The following TG variants were observed in gnomAD, a reference collection of about 807,000 sequenced individuals.
The protein encoded by TG is thyroglobulin, also known as thyroid hormones.
Under a neutral mutation model 324.7 loss-of-function variants are expected in TG, and 270 were observed. The observed-to-expected ratio is 0.83, with a 90% CI of 0.75 to 0.92. TG has a LOEUF of 0.92. Ranked by LOEUF, TG falls within the 40% of genes least tolerant of loss-of-function variation. The pLI, the probability that TG is intolerant of heterozygous loss-of-function variation, is 0.00. For synonymous variants in TG, 1,401 were observed against 1,327.0 expected, an observed-to-expected ratio of 1.06 and a Z score of -1.21; for missense variants, 3,591 against 3,456.4, an observed-to-expected ratio of 1.04 and a Z score of -0.98.
intron 41 of TG, among the ~76,000 whole-genome samples, chr8:133,062,294 G>C (rs1009606820): frequency 2.0e-5 from 3 of 152,238 alleles, no homozygotes; most frequent in Non-Finnish European, 2.9e-5. Flanking sequence ...AGCTGGGCAG[G>C]TTCTAACAGC....
chr8:132,917,083 T>TTCCA (rs1820442885), intron 20 of TG, among the ~76,000 whole-genome samples: 1 of 70,946 alleles, frequency 1.4e-5, no homozygotes, highest in Non-Finnish European at 3.4e-5. Flanking sequence ...CCTTCCTTCC[T>TTCCA]TCCCTTACTT....
At chr8:132,879,510 C>T (rs1814339939) in intron 5 of TG, among the ~76,000 whole-genome samples, 1 of 152,194 alleles carries the variant, frequency 6.6e-6, no homozygotes, top group Non-Finnish European at 1.5e-5. Context: ...ATACATATCA[C>T]TTGTGATTAT....
intron 35 of TG, among the ~76,000 whole-genome samples, chr8:132,997,782 A>G (rs917566134): frequency 4.6e-5 from 7 of 152,258 alleles, no homozygotes; most frequent in African/African-American, 1.7e-4. Flanking sequence ...CAGCTAAAAA[A>G]AGAATTGTGG....
intron 32 of TG, 61 bp from the exon 33 acceptor site, chr8:132,971,733 C>A: frequency 8.4e-7 from 1 of 1,196,412 alleles, no homozygotes; most frequent in Non-Finnish European, 1.3e-6. Context: ...ATCAGCCCAC[C>A]CAGTAGGTCC....
chr8:132,933,200 T>G (rs1822977031), intron 23 of TG, among the ~76,000 whole-genome samples: 2 of 111,040 alleles, frequency 1.8e-5, no homozygotes, highest in African/African-American at 6.8e-5. Context: ...GGGTGTATAT[T>G]TGTGTGTGTG....
At chr8:133,024,392 T>TTCCTTCTTTCTTTCTTTCTTTCTTTC (rs1313269544) in intron 40 of TG, among the ~76,000 whole-genome samples, 8 of 94,116 alleles carry the variant, frequency 8.5e-5, no homozygotes, top group African/African-American at 4.2e-4. Context: ...CTTTCTTTCT[T>TTCCTTCTTTCTTTCTTTCTTTCTTTC]TTTCTTTTTT....
At chr8:133,113,041 T>C (rs1047973210) in intron 43 of TG, among the ~76,000 whole-genome samples, 3 of 152,176 alleles carry the variant, frequency 2.0e-5, no homozygotes, top group African/African-American at 7.2e-5. Context: ...TACTCATGAG[T>C]TGGCTGAGCA....
chr8:132,956,261 G>C (rs900223807), intron 27 of TG, among the ~76,000 whole-genome samples: 1 of 152,130 alleles, frequency 6.6e-6, no homozygotes, highest in African/African-American at 2.4e-5. Context: ...TCATTGTTTT[G>C]TTCTCCCTCC....
At chr8:132,995,541 T>G in intron 35 of TG, 1 of 985,132 alleles carries the variant, frequency 1.0e-6, no homozygotes, top group Non-Finnish European at 1.2e-6. Context: ...TCACATGCAT[T>G]TGTGCCTCAG....
intron 27 of TG, among the ~76,000 whole-genome samples, chr8:132,955,274 C>G (rs765117926): frequency 6.6e-6 from 1 of 152,168 alleles, no homozygotes; most frequent in South Asian, 2.1e-4. Flanking sequence ...AGCAAACAGG[C>G]CCAGAAACTG....
chr8:132,899,341 T>G (rs1361996684), intron 14 of TG, among the ~76,000 whole-genome samples: 1 of 152,200 alleles, frequency 6.6e-6, no homozygotes, highest in Non-Finnish European at 1.5e-5. Context: ...TTGTAACAAT[T>G]CATAATTCAG....
chr8:132,884,963 A>C (rs1563906019), intron 8 of TG, among the ~76,000 whole-genome samples: 1 of 152,262 alleles, frequency 6.6e-6, no homozygotes, highest in African/African-American at 2.4e-5. Flanking sequence ...ATCCATTAAA[A>C]GAGGCCATGG....
rs1564039237 is a variant in TG, at chr8:132,985,083, T to G, written c.6262+1671T>G. Among the ~76,000 whole-genome samples the G allele has an allele frequency of 2.0e-5, 3 of 152,322 alleles. No individual in the cohort carries two copies. The South Asian group carries it at 6.2e-4, about 32-fold the overall frequency. ...TGGCCTCCGTGTTTCTAAGTTACAG[T>G]TGGCCTGCTCTATGTGGGTTCCATA... On this transcript the variant is annotated intron_variant, in intron 35 of 47. Transcript: ENST00000220616.
intron 32 of TG, among the ~76,000 whole-genome samples, chr8:132,970,084 T>G (rs1420759087): frequency 6.6e-6 from 1 of 152,026 alleles, no homozygotes; most frequent in Non-Finnish European, 1.5e-5. Context: ...CCACCGAGCA[T>G]TATTTAATAT....
rs758267135 is a variant in TG at position 132,898,804 on chromosome 8, C to T, written c.3224C>T (p.Thr1075Ile). 1 of 1,613,986 alleles carries T rather than the reference C, an allele frequency of 6.2e-7. No homozygotes were observed. Among genetic ancestry groups the T allele is most frequent in the Non-Finnish European group, 8.5e-7 (1 of 1,179,996 alleles). ...ARSLQIPQCP[T>I]TCEKSRTSGL... ...GCACCTCTCTCTCCCACAGGCCCGA[C>T]AACCTGCGAGAAATCTCGAACCAGT... Residue 1075 changes from threonine to isoleucine, a missense_variant, in exon 14 of 48, where the codon ACA becomes ATA. Thr to Ile is a moderately conservative substitution (Grantham distance 89, BLOSUM62 -1). Transcript: ENST00000220616.
intron 43 of TG, among the ~76,000 whole-genome samples, chr8:133,101,006 C>T (rs1056133939): frequency 2.0e-5 from 3 of 152,072 alleles, no homozygotes; most frequent in Non-Finnish European, 2.9e-5. Flanking sequence ...TACCGGGTGT[C>T]TCTAGGTCAG....
At chr8:132,871,674 A>T (rs1034170700) in intron 4 of TG, 123 bp downstream of exon 4, 1 of 900,390 alleles carries the variant, frequency 1.1e-6, no homozygotes, top group Non-Finnish European at 1.7e-6. Context: ...TCATTAGGGA[A>T]AATGAAAGCT....
At chr8:133,060,964 T>C (rs1246437546) in intron 41 of TG, among the ~76,000 whole-genome samples, 1 of 152,258 alleles carries the variant, frequency 6.6e-6, no homozygotes, top group Non-Finnish European at 1.5e-5. Flanking sequence ...GCTTAAATTC[T>C]GGCTGTGTAC....
chr8:133,115,866 C>T (rs985270562), intron 44 of TG, among the ~76,000 whole-genome samples: 2 of 152,244 alleles, frequency 1.3e-5, no homozygotes, highest in Non-Finnish European at 2.9e-5. Flanking sequence ...TCGATTCATG[C>T]TACCCTCAAA....
Sources: gnomAD v4.1 joint callset for allele counts (sites outside exome capture counted in the v4.1 genomes callset) on GRCh38, gnomAD v4.1.1 for gene constraint, MANE v1.5 for transcripts, NCBI Gene and HGNC (gene_info 2026-07-23, HGNC 2026-07-21) for gene names.